The following DGKG variants were observed in gnomAD, a reference collection of about 807,000 sequenced individuals.
DGKG encodes diacylglycerol kinase gamma, also known as DAG kinase gamma.
A neutral mutation model predicts 105.3 loss-of-function variants in DGKG; 78 were observed. The observed-to-expected ratio is 0.74, with a 90% CI of 0.62 to 0.89. The LOEUF is 0.89. Ranked by LOEUF, DGKG falls within the 40% of genes least tolerant of loss-of-function variation. The pLI is 0.00. For synonymous variants in DGKG, 346 were observed against 367.1 expected, an observed-to-expected ratio of 0.94 and a Z score of 0.66; for missense variants, 958 against 1,020.1, an observed-to-expected ratio of 0.94 and a Z score of 0.83.
At chr3:186,325,538 C>T (rs1012529684) in intron 1 of DGKG, among the ~76,000 whole-genome samples, 2 of 152,068 alleles carry the variant, frequency 1.3e-5, no homozygotes, top group African/African-American at 2.4e-5. Context: ...CTAGTTTTAG[C>T]GTCCACTAAT....
Position 186,288,877 on chromosome 3 carries a change from G to T in DGKG, c.377C>A (p.Ser126Ter). Residue 126 changes from serine to a stop codon, truncating the protein, a stop_gained, in exon 6 of 25, where the codon TCA becomes TAA. Coordinates refer to ENST00000265022, the MANE Select transcript of DGKG (RefSeq NM_001346.3). LOFTEE classifies it high-confidence loss of function. ...ADEACAPDTE[S>*]NMAEKQAPAE... ...TGGTGCTTGCTTCTCAGCCATATTTGATTCTGCGATGAACAAAAGGAAAAC... is the reference window on the plus strand; with the variant it reads ...TGGTGCTTGCTTCTCAGCCATATTTTATTCTGCGATGAACAAAAGGAAAAC... The T allele has an allele frequency of 6.4e-7, 1 of 1,558,392 alleles. No individual in the cohort carries two copies. Among genetic ancestry groups the T allele is most frequent in the South Asian group, 1.2e-5 (1 of 82,872 alleles).
At chr3:186,166,767 GA>G (rs747917607) in intron 22 of DGKG, among the ~76,000 whole-genome samples, 7 of 152,018 alleles carry the variant, frequency 4.6e-5, no homozygotes, top group Non-Finnish European at 7.4e-5. Flanking sequence ...GGATAGGAGA[GA>G]GGGGGAGAAA....
chr3:186,356,086 A>C (rs1439159484), intron 1 of DGKG, among the ~76,000 whole-genome samples: 1 of 152,258 alleles, frequency 6.6e-6, no homozygotes, highest in Non-Finnish European at 1.5e-5. Context: ...AATGTTGAAA[A>C]AGATGAAGAA....
At chr3:186,282,392 G>T (rs1646000731) in intron 7 of DGKG, among the ~76,000 whole-genome samples, 1 of 152,208 alleles carries the variant, frequency 6.6e-6, no homozygotes, top group Non-Finnish European at 1.5e-5. Context: ...ACTCTTTTGA[G>T]ATTTGCTTCA....
chr3:186,254,398 T>A (rs995186629), intron 17 of DGKG, among the ~76,000 whole-genome samples: 2 of 152,114 alleles, frequency 1.3e-5, no homozygotes, highest in Admixed American at 1.3e-4. Context: ...AACAATGCAA[T>A]GGCCCCTCTC....
At chr3:186,341,930 A>G (rs528309067) in intron 1 of DGKG, among the ~76,000 whole-genome samples, 4 of 152,098 alleles carry the variant, frequency 2.6e-5, no homozygotes, top group Admixed American at 1.3e-4. Flanking sequence ...AAAACCAAAC[A>G]CCCCATATTC....
chr3:186,273,100 T>C (rs551773952), intron 10 of DGKG, among the ~76,000 whole-genome samples: 2 of 152,208 alleles, frequency 1.3e-5, no homozygotes, highest in African/African-American at 4.8e-5. Flanking sequence ...CTCTCTGAAA[T>C]TCAGGGTTTT....
intron 21 of DGKG, chr3:186,207,655 G>A (rs776781858): frequency 9.5e-6 from 2 of 210,444 alleles, no homozygotes; most frequent in Non-Finnish European, 1.6e-5. Flanking sequence ...AGTTCAATAA[G>A]TGGCTTAACC....
rs1300734325 is a variant in DGKG, at chr3:186,147,995, C to T, written c.*2095G>A. 3 of 985,304 alleles carry T rather than the reference C, an allele frequency of 3.0e-6. No individual in the cohort carries two copies. In the African/African-American group the frequency reaches 5.2e-5, roughly 17 times the overall value. 61.0% of individuals were successfully genotyped at this position (985,304 alleles called of 1,614,324 possible). ...GTCCAAGATCTTGCTCCTAGGTGGT[C>T]CTTCACAGTTAAGTGCCATTTGTAC... On this transcript the variant is annotated 3_prime_UTR_variant, in exon 25 of 25. Coordinates refer to ENST00000265022, the MANE Select transcript of DGKG (RefSeq NM_001346.3).
At chr3:186,303,203 A>T (rs147242239) in intron 3 of DGKG, among the ~76,000 whole-genome samples, 128 of 152,298 alleles carry the variant, frequency 8.4e-4, no homozygotes, top group African/African-American at 3.1e-3. Context: ...AGTTCTTTAA[A>T]AGCACAGCCC....
rs777229512 is a variant in DGKG, at chr3:186,275,671, G to A, written c.793-7C>T. The A allele has an allele frequency of 1.2e-6, 2 of 1,610,640 alleles. No homozygotes were observed. Among genetic ancestry groups the A allele is most frequent in the Non-Finnish European group, 1.7e-6 (2 of 1,178,020 alleles). On this transcript the variant is annotated splice_region_variant and splice_polypyrimidine_tract_variant and intron_variant, in intron 9 of 24. Coordinates refer to ENST00000265022, the MANE Select transcript of DGKG (RefSeq NM_001346.3). ...GCCCATCCCCCTTGGAGCCCTGCAGGGGTAATAGGAGGTGAGACCCCAAGC... is the reference window on the plus strand; with the variant it reads ...GCCCATCCCCCTTGGAGCCCTGCAGAGGTAATAGGAGGTGAGACCCCAAGC...
intron 24 of DGKG, among the ~76,000 whole-genome samples, chr3:186,150,895 A>G (rs1715729334): frequency 6.6e-6 from 1 of 152,234 alleles, no homozygotes; most frequent in African/African-American, 2.4e-5. Flanking sequence ...TCCTCAGGTC[A>G]TGGCTTTGAA....
intron 10 of DGKG, 141 bp downstream of exon 10, chr3:186,275,406 T>C: frequency 6.9e-6 from 5 of 727,294 alleles, no homozygotes; most frequent in Non-Finnish European, 1.2e-5. Flanking sequence ...AGGCCTCGCT[T>C]TATTCCTTCT....
chr3:186,287,820 CT>C (rs1176438494), intron 6 of DGKG, among the ~76,000 whole-genome samples: 1 of 152,188 alleles, frequency 6.6e-6, no homozygotes, highest in Non-Finnish European at 1.5e-5. Flanking sequence ...GCAGACTTCC[CT>C]TGCTTATGTT....
At chr3:186,279,757 C>G in intron 9 of DGKG, 94 bp downstream of exon 9, 5 of 1,494,618 alleles carry the variant, frequency 3.3e-6, no homozygotes, top group Non-Finnish European at 4.5e-6. Flanking sequence ...GTTGGGCAGT[C>G]TGGAGCAGAA....
rs113322116 is a variant in DGKG at position 186,284,993 on chromosome 3, G to A, written c.545-284C>T. On this transcript the variant is annotated intron_variant, in intron 6 of 24. Coordinates refer to ENST00000265022, the MANE Select transcript of DGKG (RefSeq NM_001346.3). This position sits in a 1 kb window ranked among gnomAD's most constrained non-coding sequence, Gnocchi z 4.0. Reference sequence around the variant, plus strand: ...CTGGGGAGCATGAACACATTTCAGCGTCACTAGAACACAACCTAAAGCAAA... The same window carrying A: ...CTGGGGAGCATGAACACATTTCAGCATCACTAGAACACAACCTAAAGCAAA... Among the ~76,000 whole-genome samples, 105 of 152,318 alleles carry A rather than the reference G, an allele frequency of 6.9e-4. No homozygotes were observed. Among genetic ancestry groups the A allele is most frequent in the South Asian group, 1.2e-3 (6 of 4,828 alleles).
intron 2 of DGKG, among the ~76,000 whole-genome samples, chr3:186,317,659 A>G (rs1236667228): frequency 2.0e-5 from 3 of 152,020 alleles, no homozygotes; most frequent in Admixed American, 2.0e-4. Flanking sequence ...CCTGCCCTAC[A>G]GTTCCTGGAG....
chr3:186,168,411 A>C (rs1716658639), intron 22 of DGKG, among the ~76,000 whole-genome samples: 1 of 152,214 alleles, frequency 6.6e-6, no homozygotes, highest in Admixed American at 6.5e-5. Context: ...GGGAAAATAG[A>C]AAAAGGAGAA....
intron 21 of DGKG, among the ~76,000 whole-genome samples, chr3:186,196,453 G>A (rs766495478): frequency 2.0e-5 from 3 of 151,990 alleles, no homozygotes; most frequent in Non-Finnish European, 4.4e-5. Context: ...TCTCTTCTCT[G>A]CATCTGTAAT....
Sources: gnomAD v4.1 joint callset for allele counts (sites outside exome capture counted in the v4.1 genomes callset) on GRCh38, gnomAD v4.1.1 for gene constraint, Gnocchi (gnomAD v3.1) non-coding constraint, MANE v1.5 for transcripts, NCBI Gene and HGNC (gene_info 2026-07-23, HGNC 2026-07-21) for gene names.